MTG2: variants seen among roughly 807,000 people sequenced by gnomAD.
MTG2 encodes mitochondrial ribosome-associated GTPase 2.
MTG2 carries 23 observed loss-of-function variants against 28.6 expected under a neutral mutation model. The ratio of observed to expected loss-of-function variants is 0.80; its 90% CI spans 0.58 to 1.14. MTG2 has a LOEUF of 1.14. Ranked by LOEUF, MTG2 falls within the 50% of genes most tolerant of loss-of-function variation. MTG2 has a pLI of 0.00. For synonymous variants in MTG2, 260 were observed against 251.8 expected (o/e 1.03, Z -0.31); for missense variants, 539 against 552.0 (o/e 0.98, Z 0.24).
At chr20:62,183,782 C>G (rs1171451836) in intron 1 of MTG2, among the ~76,000 whole-genome samples, 1 of 152,198 alleles carries the variant, frequency 6.6e-6, no homozygotes, top group Non-Finnish European at 1.5e-5. Context: ...AAGGAGAATT[C>G]AAATTGTTTT....
Position 62,200,806 on chromosome 20 carries a change from C to A in MTG2, c.950C>A (p.Pro317Gln). Residue 317 changes from proline to glutamine, a missense_variant, in exon 7 of 7, where the codon CCG (proline) becomes CAG (glutamine). Coordinates refer to ENST00000370823, the MANE Select transcript of MTG2 (RefSeq NM_015666.4). The stretch of plus-strand genomic sequence containing the variant: ...GTGGTGGATCTTTCTCAGCCTGAGC[C>A]GTGGACTCAAGTTGACGATTTAAAA... ...LFVVDLSQPEPWTQVDDLKYE... is the reference protein window; with the variant it reads ...LFVVDLSQPEQWTQVDDLKYE... 1 of 1,613,878 alleles carries A rather than the reference C, an allele frequency of 6.2e-7. No homozygotes were observed. The highest frequency in any genetic ancestry group is 1.3e-5 in the African/African-American group (1 of 75,036).
At chr20:62,196,560 T>C (rs561227530) in intron 3 of MTG2, among the ~76,000 whole-genome samples, 1 of 151,336 alleles carries the variant, frequency 6.6e-6, no homozygotes, top group Admixed American at 6.6e-5. Flanking sequence ...TAGTCCCAGC[T>C]ACTTGGGGCT....
At chr20:62,189,907 C>T (rs2057923192) in intron 1 of MTG2, among the ~76,000 whole-genome samples, 1 of 152,204 alleles carries the variant, frequency 6.6e-6, no homozygotes, top group African/African-American at 2.4e-5. Context: ...TCGTGGTCCG[C>T]CCGCTTCAGC....
At chr20:62,186,419 T>A (rs1036215699) in intron 1 of MTG2, among the ~76,000 whole-genome samples, 1 of 152,202 alleles carries the variant, frequency 6.6e-6, no homozygotes, top group African/African-American at 2.4e-5. Flanking sequence ...TTTCTTAATT[T>A]TAATTTACAG....
chr20:62,198,696 A>G lies in MTG2; in HGVS notation c.531A>G (p.Gly177=), dbSNP rs1218901732. The G allele has an allele frequency of 7.4e-6, 12 of 1,614,096 alleles. No homozygotes were observed. The highest frequency in any genetic ancestry group is 1.0e-5 in the Non-Finnish European group (12 of 1,180,028). Residue 177 remains glycine, a synonymous_variant, in exon 5 of 7, where the codon GGA becomes GGG. Transcript: ENST00000370823. The part of the protein sequence containing the change: ...GRVVADLSCV[G]DEYIAALGGA... ...TTGTGGCCGACCTGTCTTGCGTGGG[A>G]GATGAGTACATTGCCGCGCTGGGCG...
At chr20:62,190,523 C>G (rs148418734) in intron 1 of MTG2, among the ~76,000 whole-genome samples, 1 of 152,174 alleles carries the variant, frequency 6.6e-6, no homozygotes, top group African/African-American at 2.4e-5. Context: ...AAACTATGTT[C>G]GTTTTCTGCC....
At chr20:62,188,387 T>A (rs6142986) in intron 1 of MTG2, among the ~76,000 whole-genome samples, 46,447 of 151,778 alleles carry the variant, frequency 0.31, 7,188 homozygotes, top group Non-Finnish European at 0.34. Context: ...CAGGCTGGAG[T>A]GCAGTGTGTG....
chr20:62,195,849 C>T lies in MTG2; in HGVS notation c.252C>T (p.Asn84=), dbSNP rs200050438. The part of the protein sequence containing the change: ...DYRRVLVCGG[N]GGAGASCFHS... ...GGAGAGTGCTTGTCTGTGGAGGAAA[C>T]GGAGGCGCTGGGGCAAGCTGCTTCC... The change falls in exon 3 of 7, where the codon AAC becomes AAT. Residue 84 remains asparagine, a synonymous_variant. Transcript: ENST00000370823. The T allele has an allele frequency of 3.8e-5, 61 of 1,614,102 alleles. No individual in the cohort carries two copies. The East Asian group carries it at 1.2e-3, about 31-fold the overall frequency.
chr20:62,192,950 C>G (rs1405714888), intron 1 of MTG2, among the ~76,000 whole-genome samples: 1 of 152,220 alleles, frequency 6.6e-6, no homozygotes, highest in African/African-American at 2.4e-5. Context: ...GAGTTACTTT[C>G]CAGAGCCTGG....
chr20:62,191,240 G>C (rs966563327), intron 1 of MTG2, among the ~76,000 whole-genome samples: 34 of 152,308 alleles, frequency 2.2e-4, no homozygotes, highest in African/African-American at 7.9e-4. Flanking sequence ...AGCTGGACAA[G>C]GTGTGGCAGC....
chr20:62,188,999 G>A (rs2057903027), intron 1 of MTG2, among the ~76,000 whole-genome samples: 1 of 152,118 alleles, frequency 6.6e-6, no homozygotes, highest in African/African-American at 2.4e-5. Flanking sequence ...CAGATTTTAT[G>A]TCTTTACTGT....
At chr20:62,183,327 G>A (rs1440945698) in intron 1 of MTG2, among the ~76,000 whole-genome samples, 1 of 152,210 alleles carries the variant, frequency 6.6e-6, no homozygotes, top group Non-Finnish European at 1.5e-5. Context: ...ACCGCGTTTT[G>A]GGGTCAGAAG....
chr20:62,202,809 A>AC lies in MTG2; in HGVS notation c.*1737dup, dbSNP rs1355207454. ...AGCAGAGAAGGATGATCAGAAGGGG[A>AC]CCCCCAGCCCTTGGAGGAGAGACGG... On this transcript the variant is annotated 3_prime_UTR_variant, in exon 7 of 7. Transcript: ENST00000370823. 6.7e-6 allele frequency: 1 copy of AC among 150,370 alleles called. No individual in the cohort carries two copies. Among genetic ancestry groups the AC allele is most frequent in the Non-Finnish European group, 1.5e-5 (1 of 67,880 alleles). 9.3% of individuals were successfully genotyped at this position (150,370 alleles called of 1,614,324 possible).
intron 1 of MTG2, among the ~76,000 whole-genome samples, chr20:62,184,486 T>C (rs1178257006): frequency 6.6e-6 from 1 of 152,156 alleles, no homozygotes; most frequent in Non-Finnish European, 1.5e-5. Flanking sequence ...CTGGAACTGG[T>C]GGCAGTGGAG....
At chr20:62,183,652 A>T (rs1309682035) in intron 1 of MTG2, among the ~76,000 whole-genome samples, 1 of 152,176 alleles carries the variant, frequency 6.6e-6, no homozygotes, top group Non-Finnish European at 1.5e-5. Context: ...AGCTGTGGAT[A>T]CCGAGGAACG....
At position 62,201,092 on chromosome 20, in the gene MTG2, G is replaced by A; in HGVS notation, c.*15G>A. On this transcript the variant is annotated 3_prime_UTR_variant, in exon 7 of 7. Coordinates refer to ENST00000370823, the MANE Select transcript of MTG2 (RefSeq NM_015666.4). ...TCAGGTGGTAGCCACGCCAGAGCGG[G>A]GTCGCCTCTGGGCCTCTGTCTGAGC... The A allele has an allele frequency of 6.4e-7, 1 of 1,572,394 alleles. No homozygotes were observed. The highest frequency in any genetic ancestry group is 8.6e-7 in the Non-Finnish European group (1 of 1,162,622).
chr20:62,183,924 A>G (rs1236285984), intron 1 of MTG2, among the ~76,000 whole-genome samples: 3 of 152,166 alleles, frequency 2.0e-5, no homozygotes, highest in Non-Finnish European at 4.4e-5. Context: ...AACCTCAGTG[A>G]GAAGATTCCT....
chr20:62,198,532 C>T lies in MTG2; in HGVS notation c.469-102C>T, dbSNP rs944735733. 26 of 1,281,028 alleles carry T rather than the reference C, an allele frequency of 2.0e-5. No individual in the cohort carries two copies. In the South Asian group the frequency reaches 2.1e-4, roughly 10 times the overall value. 79.4% of individuals were successfully genotyped at this position (1,281,028 alleles called of 1,614,324 possible). ...GCGGGCAGCTGCCCGGGGCACAGTC[C>T]GCTCTTGTCTTCTTTCCTTAGCGCT... On this transcript the variant is annotated intron_variant, in intron 4 of 6. Coordinates refer to ENST00000370823, the MANE Select transcript of MTG2 (RefSeq NM_015666.4).
In MTG2 at chr20:62,193,772, G is replaced by A. The variant is rs1366735075; in HGVS notation, c.204+148G>A. On this transcript the variant is annotated intron_variant, in intron 2 of 6. Coordinates refer to ENST00000370823, the MANE Select transcript of MTG2 (RefSeq NM_015666.4). ...ACGTGGAGCTTCTTGAAAATGACAG[G>A]GTGAAACGCAGGCCTGCGTGCTAAA... 4 of 790,360 alleles carry A rather than the reference G, an allele frequency of 5.1e-6. No homozygotes were observed. The Admixed American group carries it at 8.8e-5, about 17-fold the overall frequency. 49.0% of individuals were successfully genotyped at this position (790,360 alleles called of 1,614,324 possible).
Sources: gnomAD v4.1 joint callset for allele counts (sites outside exome capture counted in the v4.1 genomes callset) on GRCh38, gnomAD v4.1.1 for gene constraint, MANE v1.5 for transcripts, NCBI Gene and HGNC (gene_info 2026-07-23, HGNC 2026-07-21) for gene names.